SMCO2: variants seen among roughly 807,000 people sequenced by gnomAD.
The protein encoded by SMCO2 is single-pass membrane and coiled-coil domain-containing protein 2.
Under a neutral mutation model 29.5 loss-of-function variants are expected in SMCO2, and 25 were observed. That is an observed-to-expected ratio of 0.85 (90% CI 0.62 to 1.18). The LOEUF (loss-of-function observed/expected upper bound fraction) is 1.18. SMCO2 is among the 50% of genes most tolerant of loss of function. The pLI, the probability that SMCO2 is intolerant of heterozygous loss-of-function variation, is 0.00. For synonymous variants in SMCO2, 117 were observed against 123.3 expected, an observed-to-expected ratio of 0.95 and a Z score of 0.34; for missense variants, 348 against 344.5, an observed-to-expected ratio of 1.01 and a Z score of -0.08.
rs570504961 is a variant in SMCO2, at chr12:27,496,407, A to G, written c.683+552A>G. Among the ~76,000 whole-genome samples, 3 of 150,792 alleles carry G rather than the reference A, an allele frequency of 2.0e-5. No homozygotes were observed. In the South Asian group the frequency reaches 6.3e-4, roughly 32 times the overall value. On this transcript the variant is annotated intron_variant, in intron 7 of 7. Transcript: ENST00000298876. ...ATCTATAGATGTATCTATAAAATCTATCTATATCTATCTAAAATCTTAAAA... is the reference window on the plus strand; with the variant it reads ...ATCTATAGATGTATCTATAAAATCTGTCTATATCTATCTAAAATCTTAAAA...
chr12:27,450,189 A>G, the SMCO2 span, among the ~76,000 whole-genome samples: 1 of 152,152 alleles, frequency 6.6e-6, no homozygotes, highest in Admixed American at 6.5e-5. Flanking sequence ...ACACCTGGTC[A>G]CCAAAACATA....
In SMCO2 at chr12:27,495,674, T is replaced by C. The variant is rs1166448855; in HGVS notation, c.508-6T>C. On this transcript the variant is annotated splice_polypyrimidine_tract_variant and splice_region_variant and intron_variant, in intron 6 of 7. Coordinates refer to ENST00000298876, the Ensembl canonical transcript of SMCO2. ...TTTAAGGTACTTGATTACTCTTTTT[T>C]TTCAGGACCTTTGCAAGAATGTGGA... 3 of 1,459,750 alleles carry C rather than the reference T, an allele frequency of 2.1e-6. No homozygotes were observed. The highest frequency in any genetic ancestry group is 4.2e-5 in the Admixed American group (2 of 47,084). The allele number at this position is 1,459,750 out of a possible 1,614,324, so 90.4% of individuals were successfully genotyped here.
At chr12:27,490,455 T>C (rs1202478524) in intron 5 of SMCO2, among the ~76,000 whole-genome samples, 1 of 152,184 alleles carries the variant, frequency 6.6e-6, no homozygotes, top group African/African-American at 2.4e-5. Context: ...CACAACAGAA[T>C]GCATTTGTCA....
chr12:27,454,442 G>T, the SMCO2 span, among the ~76,000 whole-genome samples: 1 of 152,156 alleles, frequency 6.6e-6, no homozygotes, highest in African/African-American at 2.4e-5. Flanking sequence ...ATTATTTATA[G>T]GATGATAATG....
At chr12:27,448,416 G>A in the SMCO2 span, among the ~76,000 whole-genome samples, 1 of 152,160 alleles carries the variant, frequency 6.6e-6, no homozygotes, top group African/African-American at 2.4e-5. Flanking sequence ...GAAATAGAAA[G>A]GGTGGCCACA....
upstream of SMCO2, among the ~76,000 whole-genome samples, chr12:27,463,120 T>G (rs1289985065): frequency 1.3e-5 from 2 of 152,104 alleles, no homozygotes; most frequent in Non-Finnish European, 2.9e-5. Flanking sequence ...TGAGAAGAGG[T>G]GGCTCAGGAA....
the SMCO2 span, among the ~76,000 whole-genome samples, chr12:27,428,416 T>C: frequency 6.6e-6 from 1 of 152,230 alleles, no homozygotes; most frequent in South Asian, 2.1e-4. Context: ...CAGATTTTTC[T>C]CACTGTCATA....
At chr12:27,459,835 C>T in the SMCO2 span, among the ~76,000 whole-genome samples, 1 of 152,126 alleles carries the variant, frequency 6.6e-6, no homozygotes, top group Non-Finnish European at 1.5e-5. Flanking sequence ...TTAAGTTGCC[C>T]ATACACTTCC....
the SMCO2 span, among the ~76,000 whole-genome samples, chr12:27,456,170 G>T: frequency 3.3e-5 from 5 of 152,248 alleles, no homozygotes; most frequent in South Asian, 1.0e-3. Context: ...AGCCGAGATC[G>T]CACCTTTGCA....
At chr12:27,431,832 C>T in the SMCO2 span, among the ~76,000 whole-genome samples, 3 of 152,026 alleles carry the variant, frequency 2.0e-5, no homozygotes, top group African/African-American at 7.2e-5. Context: ...AAGAAATCTC[C>T]AAACTGTTTT....
At chr12:27,485,901 A>G (rs1311532368) in intron 4 of SMCO2, among the ~76,000 whole-genome samples, 1 of 152,230 alleles carries the variant, frequency 6.6e-6, no homozygotes, top group Non-Finnish European at 1.5e-5. Context: ...TCTGGAACAC[A>G]GTTAAATTAC....
the SMCO2 span, among the ~76,000 whole-genome samples, chr12:27,432,220 A>C: frequency 3.3e-5 from 5 of 151,532 alleles, no homozygotes; most frequent in African/African-American, 1.2e-4. Flanking sequence ...TTGTTTTTTC[A>C]CTCCACTTAT....
the SMCO2 span, among the ~76,000 whole-genome samples, chr12:27,435,950 A>G: frequency 7.2e-5 from 11 of 152,232 alleles, no homozygotes; most frequent in Non-Finnish European, 2.9e-5. Context: ...TGCTTAAACA[A>G]CAAACATTTA....
At chr12:27,441,123 G>T in the SMCO2 span, among the ~76,000 whole-genome samples, 1 of 151,936 alleles carries the variant, frequency 6.6e-6, no homozygotes, top group Non-Finnish European at 1.5e-5. Flanking sequence ...GCTGGGCACG[G>T]TGGCACACGC....
chr12:27,485,979 A>T (rs1949686047), intron 4 of SMCO2, among the ~76,000 whole-genome samples: 1 of 152,224 alleles, frequency 6.6e-6, no homozygotes, highest in South Asian at 2.1e-4. Flanking sequence ...AGCAGCCTTT[A>T]GTCTAGGACT....
At chr12:27,465,862 T>C (rs991139530), upstream of SMCO2, among the ~76,000 whole-genome samples, 2 of 152,216 alleles carry the variant, frequency 1.3e-5, no homozygotes, top group African/African-American at 2.4e-5. Context: ...AACTGTTCTG[T>C]GCTTTATCTC....
chr12:27,448,878 AC>A, the SMCO2 span, among the ~76,000 whole-genome samples: 4,366 of 152,258 alleles, frequency 0.029, 119 homozygotes, highest in Non-Finnish European at 0.044. Context: ...CACATAGTCT[AC>A]CAGTTGACCA....
At chr12:27,493,795 C>G (rs1942962077) in intron 5 of SMCO2, 1 of 152,190 alleles carries the variant, frequency 6.6e-6, no homozygotes, top group Admixed American at 6.5e-5. Context: ...GTTGTCTCCA[C>G]CTGGCAACCT....
At chr12:27,428,818 C>CTTTTTTTTT in the SMCO2 span, among the ~76,000 whole-genome samples, 1 of 130,046 alleles carries the variant, frequency 7.7e-6, no homozygotes, top group Non-Finnish European at 1.6e-5. Context: ...AATAAATGTA[C>CTTTTTTTTT]TTTTTTTTTT....
Sources: allele counts gnomAD v4.1 joint callset (sites outside exome capture counted in the v4.1 genomes callset), GRCh38; gene constraint gnomAD v4.1.1; transcripts MANE v1.5; gene names NCBI Gene and HGNC (gene_info 2026-07-23, HGNC 2026-07-21).